Variants in ZNF385D observed in about 807,000 individuals in gnomAD.
The protein encoded by ZNF385D is zinc finger protein 385D, also known as zinc finger protein 659.
A neutral mutation model predicts 35.8 loss-of-function variants in ZNF385D; 15 were observed. The ratio of observed to expected loss-of-function variants is 0.42; its 90% CI spans 0.28 to 0.64. ZNF385D has a LOEUF of 0.64. ZNF385D is among the 30% of genes least tolerant of loss of function. The pLI is 0.23. For synonymous variants in ZNF385D, 212 were observed against 186.8 expected, an observed-to-expected ratio of 1.13 and a Z score of -1.10; for missense variants, 474 against 494.6, an observed-to-expected ratio of 0.96 and a Z score of 0.39.
At chr3:22,085,789 A>G (rs1180160041) in intron 3 of ZNF385D, among the ~76,000 whole-genome samples, 2 of 152,186 alleles carry the variant, frequency 1.3e-5, no homozygotes, top group African/African-American at 4.8e-5. Context: ...GATGAACATC[A>G]ATGCAAAAAT....
intron 3 of ZNF385D, among the ~76,000 whole-genome samples, chr3:22,023,616 C>G (rs1016985097): frequency 6.6e-6 from 1 of 151,378 alleles, no homozygotes; most frequent in African/African-American, 2.4e-5. Flanking sequence ...TTAATCAAAA[C>G]AAACAAAAAG....
chr3:22,316,315 G>T (rs1485575365), intron 2 of ZNF385D, among the ~76,000 whole-genome samples: 1 of 152,164 alleles, frequency 6.6e-6, no homozygotes, highest in East Asian at 1.9e-4. Context: ...GGCTGGCCTT[G>T]TGTTAATCAC....
intron 2 of ZNF385D, among the ~76,000 whole-genome samples, chr3:22,179,843 C>A (rs6768829): frequency 6.6e-6 from 1 of 151,868 alleles, no homozygotes; most frequent in Non-Finnish European, 1.5e-5. Flanking sequence ...AGGAAAGATC[C>A]AAAATTGACA....
chr3:22,173,243 T>A (rs1012475358), intron 2 of ZNF385D, among the ~76,000 whole-genome samples: 2 of 152,162 alleles, frequency 1.3e-5, no homozygotes, highest in African/African-American at 2.4e-5. Flanking sequence ...AAATGTGGTA[T>A]CCTGGATGGG....
At chr3:21,872,462 A>G (rs1485708621) in intron 3 of ZNF385D, among the ~76,000 whole-genome samples, 1 of 152,186 alleles carries the variant, frequency 6.6e-6, no homozygotes, top group East Asian at 1.9e-4. Flanking sequence ...GGCATTTTGG[A>G]TAAGCAAATA....
intron 7 of ZNF385D, among the ~76,000 whole-genome samples, chr3:21,422,535 A>C (rs541017232): frequency 6.6e-6 from 1 of 152,260 alleles, no homozygotes; most frequent in Admixed American, 6.5e-5. Context: ...CAGAGACAAA[A>C]CAAAAAAACA....
At chr3:22,140,366 C>G (rs192308884) in intron 3 of ZNF385D, among the ~76,000 whole-genome samples, 2 of 152,136 alleles carry the variant, frequency 1.3e-5, no homozygotes, top group East Asian at 3.9e-4. Context: ...ACAACATTTT[C>G]AAAATGACAA....
chr3:21,982,949 C>G (rs1694567671), intron 3 of ZNF385D, among the ~76,000 whole-genome samples: 1 of 151,902 alleles, frequency 6.6e-6, no homozygotes, highest in African/African-American at 2.4e-5. Flanking sequence ...CCTACTTGAT[C>G]ATAGCGGATT....
At chr3:22,244,500 A>C (rs1381785015) in intron 2 of ZNF385D, among the ~76,000 whole-genome samples, 1 of 150,894 alleles carries the variant, frequency 6.6e-6, no homozygotes, top group East Asian at 1.9e-4. Context: ...TAATATTCCA[A>C]TCAGAATGAA....
chr3:21,835,045 G>A (rs1233735412), intron 3 of ZNF385D, among the ~76,000 whole-genome samples: 2 of 151,986 alleles, frequency 1.3e-5, no homozygotes, highest in Non-Finnish European at 2.9e-5. Flanking sequence ...CAAGTGCTAG[G>A]AACAGCTCTA....
chr3:21,544,681 A>G (rs1559388922), intron 3 of ZNF385D, among the ~76,000 whole-genome samples: 1 of 152,234 alleles, frequency 6.6e-6, no homozygotes, highest in Non-Finnish European at 1.5e-5. Flanking sequence ...TAAAATGCTA[A>G]TCTGGTCTTC....
intron 2 of ZNF385D, among the ~76,000 whole-genome samples, chr3:22,236,330 A>C (rs1475637731): frequency 6.6e-6 from 1 of 152,102 alleles, no homozygotes; most frequent in Admixed American, 6.6e-5. Flanking sequence ...TAGGAGAACA[A>C]GAACATTTTA....
intron 2 of ZNF385D, among the ~76,000 whole-genome samples, chr3:22,175,763 G>A (rs560587524): frequency 2.2e-4 from 33 of 151,106 alleles, no homozygotes; most frequent in African/African-American, 7.5e-4. Flanking sequence ...TTATACATAT[G>A]CATATATAAT....
chr3:21,570,181 C>G (rs951621696), intron 2 of ZNF385D, among the ~76,000 whole-genome samples: 3 of 152,096 alleles, frequency 2.0e-5, no homozygotes, highest in Admixed American at 2.0e-4. Flanking sequence ...AAACTCTAGG[C>G]TAAAATTCAA....
chr3:21,980,441 G>A (rs903692486), intron 3 of ZNF385D, among the ~76,000 whole-genome samples: 1 of 152,130 alleles, frequency 6.6e-6, no homozygotes. Flanking sequence ...TGTAGATAAT[G>A]AGTAATAGTA....
rs1223767462 is a variant in ZNF385D, at chr3:21,561,642, C to T, written c.276+2932G>A. ...GTAGGGTTTTAAATTGGCCTAATTTCAGTGTTGTGTCTCAGGAAATAGGAA... is the reference window on the plus strand; with the variant it reads ...GTAGGGTTTTAAATTGGCCTAATTTTAGTGTTGTGTCTCAGGAAATAGGAA... On this transcript the variant is annotated intron_variant, in intron 3 of 7. Transcript: ENST00000281523. Among the ~76,000 whole-genome samples the T allele has an allele frequency of 2.0e-5, 3 of 152,178 alleles. No homozygotes were observed. The East Asian group carries it at 5.8e-4, about 29-fold the overall frequency.
intron 2 of ZNF385D, among the ~76,000 whole-genome samples, chr3:21,645,069 C>T (rs748204815): frequency 2.6e-5 from 4 of 152,138 alleles, no homozygotes; most frequent in African/African-American, 4.8e-5. Context: ...GCCAAATGAC[C>T]TTGAAGGCTT....
At chr3:21,920,523 G>A (rs1232813417) in intron 3 of ZNF385D, among the ~76,000 whole-genome samples, 7 of 151,100 alleles carry the variant, frequency 4.6e-5, no homozygotes, top group African/African-American at 1.7e-4. Context: ...AGAAAGCTGT[G>A]AGTCATTAAC....
At chr3:21,436,713 G>A (rs990361332) in intron 5 of ZNF385D, 1 of 404,202 alleles carries the variant, frequency 2.5e-6, no homozygotes, top group African/African-American at 2.0e-5. Context: ...TTTTAGGATT[G>A]TATTTCATTT....
Sources: allele counts gnomAD v4.1 joint callset (sites outside exome capture counted in the v4.1 genomes callset), GRCh38; gene constraint gnomAD v4.1.1; transcripts MANE v1.5; gene names NCBI Gene and HGNC (gene_info 2026-07-23, HGNC 2026-07-21).